PCDHGB6: variants seen among roughly 807,000 people sequenced by gnomAD.
PCDHGB6 encodes protocadherin gamma-B6.
PCDHGB6 carries 51 observed loss-of-function variants against 59.1 expected under a neutral mutation model. The ratio of observed to expected loss-of-function variants is 0.86; its 90% CI spans 0.69 to 1.09. The LOEUF is 1.09. Among genes scored for constraint, PCDHGB6 ranks in the 50% least tolerant of loss-of-function variants. The pLI is 0.00. For synonymous variants in PCDHGB6, 466 were observed against 495.1 expected (o/e 0.94, Z 0.78); for missense variants, 1,148 against 1,205.1 (o/e 0.95, Z 0.70).
intron 1 of PCDHGB6, chr5:141,415,573 G>T (rs375863243): frequency 1.9e-6 from 3 of 1,614,022 alleles, no homozygotes; most frequent in South Asian, 2.2e-5. Context: ...TTTGTTAGAT[G>T]ATTCGAAGTT....
At chr5:141,427,280 A>G (rs1351534612) in intron 1 of PCDHGB6, 3 of 456,834 alleles carry the variant, frequency 6.6e-6, no homozygotes, top group Non-Finnish European at 8.8e-6. Context: ...GTAAAATTAT[A>G]CTAGAAATCC....
intron 1 of PCDHGB6, chr5:141,478,782 T>C: frequency 6.7e-7 from 1 of 1,485,212 alleles, no homozygotes. Context: ...GTGGACCTAA[T>C]TCACATCCTC....
chr5:141,468,330 C>CAAAAAAAAAAA (rs533390277), intron 1 of PCDHGB6: 4 of 79,798 alleles, frequency 5.0e-5, no homozygotes, highest in Non-Finnish European at 1.1e-4. Flanking sequence ...AACTCCATCT[C>CAAAAAAAAAAA]AAAAAAAAAA....
At chr5:141,445,612 CT>C (rs996122021) in intron 1 of PCDHGB6, among the ~76,000 whole-genome samples, 1 of 151,994 alleles carries the variant, frequency 6.6e-6, no homozygotes, top group Non-Finnish European at 1.5e-5. Flanking sequence ...GGAAGGCTTT[CT>C]TTTTTTCGGA....
intron 2 of PCDHGB6, among the ~76,000 whole-genome samples, chr5:141,501,890 A>G (rs1046816316): frequency 6.6e-6 from 1 of 151,980 alleles, no homozygotes; most frequent in Non-Finnish European, 1.5e-5. Flanking sequence ...CCTGATCATC[A>G]TGGTTCCAAC....
chr5:141,507,483 T>G (rs2099860964), intron 3 of PCDHGB6, among the ~76,000 whole-genome samples: 1 of 152,184 alleles, frequency 6.6e-6, no homozygotes, highest in South Asian at 2.1e-4. Context: ...GCTGGCCTCC[T>G]GAGGCAGAGC....
chr5:141,480,914 G>A (rs959577133), intron 1 of PCDHGB6, among the ~76,000 whole-genome samples: 18 of 151,978 alleles, frequency 1.2e-4, no homozygotes, highest in South Asian at 4.2e-4. Flanking sequence ...GCATGGTGGC[G>A]CATACCTGTA....
chr5:141,506,435 G>T (rs1470687416), intron 3 of PCDHGB6, among the ~76,000 whole-genome samples: 1 of 126,234 alleles, frequency 7.9e-6, no homozygotes, highest in Non-Finnish European at 1.6e-5. Context: ...CAACAGTCTC[G>T]CTCTGTCTCA....
intron 1 of PCDHGB6, among the ~76,000 whole-genome samples, chr5:141,494,498 C>G (rs2099754760): frequency 6.6e-6 from 1 of 152,138 alleles, no homozygotes; most frequent in African/African-American, 2.4e-5. Flanking sequence ...GCCTTCAGTC[C>G]TTGAATTTTG....
chr5:141,465,048 A>AT (rs905091014), intron 1 of PCDHGB6, among the ~76,000 whole-genome samples: 18 of 151,226 alleles, frequency 1.2e-4, no homozygotes, highest in African/African-American at 4.4e-4. Context: ...GACCCTATAT[A>AT]TTTTTTTGAA....
chr5:141,419,905 T>G (rs916259620), intron 1 of PCDHGB6: 23 of 1,613,978 alleles, frequency 1.4e-5, no homozygotes, highest in Non-Finnish European at 1.9e-5. Context: ...CCACACCCTC[T>G]GACTCCCAGG....
At chr5:141,426,702 C>CA (rs1187798274) in intron 1 of PCDHGB6, 1 of 439,184 alleles carries the variant, frequency 2.3e-6, no homozygotes, top group Admixed American at 2.4e-5. Context: ...CATTGTTTTA[C>CA]AAATCAATGA....
At chr5:141,422,709 T>A in intron 1 of PCDHGB6, 1 of 1,603,558 alleles carries the variant, frequency 6.2e-7, no homozygotes, top group Admixed American at 1.7e-5. Flanking sequence ...CTCTGACGGA[T>A]GACACTGTCC....
At position 141,485,566 on chromosome 5, in the gene PCDHGB6, C is replaced by T. The variant is rs768144422; in HGVS notation, c.2419-9241C>T. The T allele has an allele frequency of 6.2e-7, 1 of 1,612,926 alleles. No homozygotes were observed. Among genetic ancestry groups the T allele is most frequent in the African/African-American group, 1.3e-5 (1 of 75,016 alleles). ...TCGTAGATGTGAATGATCACGCCCC[C>T]CGTTTTCCGCGGCAGCAGCTGGACT... On this transcript the variant is annotated intron_variant, in intron 1 of 3. Transcript: ENST00000520790. The surrounding 1 kb of genome is among the most constrained non-coding windows in gnomAD (Gnocchi z 5.7).
chr5:141,488,158 G>A (rs534297140), intron 1 of PCDHGB6, among the ~76,000 whole-genome samples: 4 of 152,328 alleles, frequency 2.6e-5, no homozygotes, highest in South Asian at 2.1e-4. Context: ...AGAGAGGCAC[G>A]CATCAGAGTG....
At chr5:141,428,223 A>G in intron 1 of PCDHGB6, 1 of 1,169,680 alleles carries the variant, frequency 8.5e-7, no homozygotes. Context: ...TAGTCTTCGC[A>G]GACAGCCTGC....
intron 3 of PCDHGB6, among the ~76,000 whole-genome samples, 193 bp downstream of exon 3, chr5:141,505,674 G>C (rs1482125302): frequency 6.6e-6 from 1 of 152,192 alleles, no homozygotes; most frequent in East Asian, 1.9e-4. Context: ...GGGGTTGGGG[G>C]TCCTGGGATG....
Position 141,487,845 on chromosome 5 carries a change from A to C in PCDHGB6, c.2419-6962A>C, listed in dbSNP as rs2099667978. ...GGGTCATGCCTATATCTGAGTAAGA[A>C]ATGAAAGTAATTGGTGATCAAGAGC... On this transcript the variant is annotated intron_variant, in intron 1 of 3. Coordinates refer to ENST00000520790, the MANE Select transcript of PCDHGB6 (RefSeq NM_018926.3). The surrounding 1 kb of genome is among the most constrained non-coding windows in gnomAD (Gnocchi z 5.0). 2.9e-6 allele frequency: 3 copies of C among 1,027,382 alleles called. No homozygotes were observed. Among genetic ancestry groups the C allele is most frequent in the Non-Finnish European group, 4.2e-6 (3 of 716,452 alleles). The allele number at this position is 1,027,382 out of a possible 1,614,324, so 63.6% of individuals were successfully genotyped here.
intron 2 of PCDHGB6, among the ~76,000 whole-genome samples, chr5:141,503,595 G>A (rs6892628): frequency 7.1e-6 from 1 of 140,086 alleles, no homozygotes. Context: ...CGAGACTCCA[G>A]CTCAAAAAAA....
Sources: gnomAD v4.1 joint callset for allele counts (sites outside exome capture counted in the v4.1 genomes callset) on GRCh38, gnomAD v4.1.1 for gene constraint, Gnocchi (gnomAD v3.1) non-coding constraint, MANE v1.5 for transcripts, NCBI Gene and HGNC (gene_info 2026-07-23, HGNC 2026-07-21) for gene names.